DMD: variants seen among roughly 807,000 people sequenced by gnomAD.
DMD encodes the protein dystrophin.
DMD carries 63 observed loss-of-function variants against 330.1 expected under a neutral mutation model. The observed-to-expected ratio is 0.19, with a 90% CI of 0.16 to 0.24. The LOEUF (loss-of-function observed/expected upper bound fraction) is 0.24, where lower values mean the gene tolerates loss of function less well. Ranked by LOEUF, DMD falls within the 10% of genes least tolerant of loss-of-function variation. The pLI, the probability that DMD is intolerant of heterozygous loss-of-function variation, is 1.00. For synonymous variants in DMD, 1,223 were observed against 959.8 expected (o/e 1.27, Z -5.07); for missense variants, 3,344 against 2,684.1 (o/e 1.25, Z -5.43).
intron 43 of DMD, among the ~76,000 whole-genome samples, chrX:32,281,421 A>G (rs953717383): frequency 2.7e-5 from 3 of 112,299 alleles, no homozygotes. Context: ...TTATTTTTAA[A>G]ATGTAAGTAT....
intron 2 of DMD, among the ~76,000 whole-genome samples, chrX:32,907,983 G>A (rs1446613359): frequency 6.3e-5 from 7 of 111,080 alleles, no homozygotes; most frequent in Admixed American, 2.9e-4. Context: ...ATCTCTTTAC[G>A]TTCCTCCTGA....
intron 44 of DMD, among the ~76,000 whole-genome samples, chrX:32,162,182 A>C (rs777522739): frequency 9.0e-6 from 1 of 111,659 alleles, no homozygotes; most frequent in African/African-American, 3.3e-5. Flanking sequence ...AAGTATAATA[A>C]TAAAAAAGAA....
intron 63 of DMD, among the ~76,000 whole-genome samples, chrX:31,233,487 ATT>A (rs34713210): frequency 3.8e-5 from 4 of 106,656 alleles, no homozygotes; most frequent in African/African-American, 1.0e-4. Context: ...AAATTCACAG[ATT>A]TTTTTTTTTA....
At chrX:31,285,974 C>G (rs1029163545) in intron 62 of DMD, among the ~76,000 whole-genome samples, 3 of 112,097 alleles carry the variant, frequency 2.7e-5, no homozygotes, top group Non-Finnish European at 5.6e-5. Flanking sequence ...CTGGACTTAC[C>G]AAGAACAGCT....
chrX:32,081,558 T>A (rs1221476467), intron 44 of DMD, among the ~76,000 whole-genome samples: 1 of 111,888 alleles, frequency 8.9e-6, no homozygotes, highest in Non-Finnish European at 1.9e-5. Flanking sequence ...CATATTAAAC[T>A]TTATTTTAGA....
At chrX:32,789,772 C>G (rs2855686) in intron 7 of DMD, among the ~76,000 whole-genome samples, 10,835 of 111,151 alleles carry the variant, frequency 0.097, 528 homozygotes, top group Admixed American at 0.17. Context: ...ACATGACTGC[C>G]CTACTTAAAC....
At position 32,389,567 on chromosome X, in the gene DMD, G is replaced by A; in HGVS notation, c.4452C>T (p.His1484=). The part of the protein sequence containing the change: ...SKMILDEVKM[H]LPALETKSVE... ...CACTCTTTGTTTCCAATGCAGGCAA[G>A]TGCATCTTCACTTCATCTAAAATCA... The change falls in exon 32 of 79, where the codon CAC becomes CAT. Residue 1484 remains histidine (H), a synonymous_variant. Coordinates refer to ENST00000357033, the MANE Select transcript of DMD (RefSeq NM_004006.3). The A allele has an allele frequency of 1.7e-6, 2 of 1,210,554 alleles. No homozygotes were observed. Among genetic ancestry groups the A allele is most frequent in the Non-Finnish European group, 2.2e-6 (2 of 894,576 alleles).
chrX:31,397,230 A>C (rs1328681642), intron 60 of DMD, among the ~76,000 whole-genome samples: 3 of 111,997 alleles, frequency 2.7e-5, no homozygotes, highest in Non-Finnish European at 5.6e-5. Flanking sequence ...GAGGGGGAAG[A>C]AGTGTGGGCT....
chrX:31,549,436 A>G (rs1025462076), intron 55 of DMD, among the ~76,000 whole-genome samples: 3 of 111,792 alleles, frequency 2.7e-5, no homozygotes, highest in African/African-American at 6.5e-5. Context: ...ATATAAACCT[A>G]TTCCCAACAT....
chrX:32,701,779 A>G (rs1340479552), intron 7 of DMD, among the ~76,000 whole-genome samples: 3 of 111,961 alleles, frequency 2.7e-5, no homozygotes, highest in African/African-American at 9.7e-5. Context: ...TATAAAAAGT[A>G]AAAAATGGTG....
intron 7 of DMD, among the ~76,000 whole-genome samples, chrX:32,792,120 G>C (rs2075863698): frequency 9.0e-6 from 1 of 111,366 alleles, no homozygotes; most frequent in African/African-American, 3.3e-5. Flanking sequence ...CACCAGCCAA[G>C]GATACTCTAC....
intron 7 of DMD, among the ~76,000 whole-genome samples, chrX:32,716,303 A>G (rs7057112): frequency 0.15 from 16,372 of 109,911 alleles, 2,776 homozygotes; most frequent in African/African-American, 0.49. Context: ...TCTCATGATA[A>G]TGAGTTCTCA....
At chrX:32,751,211 T>G (rs1430708280) in intron 7 of DMD, among the ~76,000 whole-genome samples, 1 of 111,174 alleles carries the variant, frequency 9.0e-6, no homozygotes, top group Non-Finnish European at 1.9e-5. Context: ...TGCAACAGTT[T>G]GAGAGCTCAG....
intron 48 of DMD, among the ~76,000 whole-genome samples, chrX:31,849,191 A>G (rs1019282767): frequency 3.7e-5 from 4 of 107,804 alleles, no homozygotes; most frequent in African/African-American, 1.4e-4. Flanking sequence ...GAGGACATAA[A>G]CAACCTTTCC....
intron 1 of DMD, among the ~76,000 whole-genome samples, chrX:33,024,757 AC>A (rs1462119505): frequency 4.5e-5 from 5 of 111,771 alleles, no homozygotes; most frequent in African/African-American, 1.6e-4. Context: ...TACTGGGCAA[AC>A]TGAGGGAACA....
chrX:31,771,925 C>T (rs1208346083), intron 51 of DMD, among the ~76,000 whole-genome samples: 1 of 111,739 alleles, frequency 8.9e-6, no homozygotes, highest in Non-Finnish European at 1.9e-5. Context: ...ACATCAATGG[C>T]TTCCCTAAAT....
intron 48 of DMD, among the ~76,000 whole-genome samples, chrX:31,845,420 T>TCTCTCC (rs2093408146): frequency 1.1e-5 from 1 of 87,836 alleles, no homozygotes; most frequent in Non-Finnish European, 2.2e-5. Flanking sequence ...TCTCTCTCTC[T>TCTCTCC]CTCTCCCTCT....
At chrX:33,171,634 C>T (rs2049353275) in intron 1 of DMD, among the ~76,000 whole-genome samples, 1 of 111,166 alleles carries the variant, frequency 9.0e-6, no homozygotes, top group South Asian at 3.7e-4. Flanking sequence ...CCTCAGGTAC[C>T]CTGTCTTATA....
At chrX:32,837,537 GTTA>G (rs1215654529) in intron 4 of DMD, among the ~76,000 whole-genome samples, 1 of 111,447 alleles carries the variant, frequency 9.0e-6, no homozygotes, top group Non-Finnish European at 1.9e-5. Flanking sequence ...TGTAGTAAAG[GTTA>G]TTAACTCATG....
Sources: allele counts gnomAD v4.1 joint callset (sites outside exome capture counted in the v4.1 genomes callset), GRCh38; gene constraint gnomAD v4.1.1; transcripts MANE v1.5; gene names NCBI Gene and HGNC (gene_info 2026-07-23, HGNC 2026-07-21).